The following ABLIM1 variants were observed in gnomAD, a reference collection of about 807,000 sequenced individuals.
The protein encoded by ABLIM1 is actin binding LIM protein 1.
In ABLIM1, 40 loss-of-function variants were observed where a neutral mutation model predicts 107.0. The ratio of observed to expected loss-of-function variants is 0.37; its 90% CI spans 0.29 to 0.49. The LOEUF is 0.49. Ranked by LOEUF, ABLIM1 falls within the 20% of genes least tolerant of loss-of-function variation. ABLIM1 has a pLI of 0.97. For missense variants in ABLIM1, 857 were observed against 1,008.5 expected, an observed-to-expected ratio of 0.85 and a Z score of 2.04; for synonymous variants, 357 against 357.3, an observed-to-expected ratio of 1.00 and a Z score of 0.01.
rs1346165148 is a variant in ABLIM1 at position 114,707,507 on chromosome 10, C to T, written c.-213+60554G>A. ...TTGGCCTCCCAAAGTGCTGGGATTACAGGCGTAAGCCACCACACCTGGCCC... is the reference window on the plus strand; with the variant it reads ...TTGGCCTCCCAAAGTGCTGGGATTATAGGCGTAAGCCACCACACCTGGCCC... On this transcript the variant is annotated intron_variant, in intron 1 of 15. Transcript: ENST00000651092. The surrounding 1 kb of genome is among the most constrained non-coding windows in gnomAD (Gnocchi z 4.1). Among the ~76,000 whole-genome samples, 2 of 152,140 alleles carry T rather than the reference C, an allele frequency of 1.3e-5. No homozygotes were observed. The highest frequency in any genetic ancestry group is 2.4e-5 in the African/African-American group (1 of 41,438).
chr10:114,548,661 G>A (rs1284489300), intron 4 of ABLIM1, among the ~76,000 whole-genome samples: 3 of 152,210 alleles, frequency 2.0e-5, no homozygotes, highest in African/African-American at 7.2e-5. Flanking sequence ...CATTCTGTTA[G>A]GGAAGTTGGG....
chr10:114,570,596 GTTTTTTTTTTT>G (rs57963013), intron 4 of ABLIM1, among the ~76,000 whole-genome samples: 4 of 68,016 alleles, frequency 5.9e-5, no homozygotes, highest in African/African-American at 1.2e-4. Flanking sequence ...ATTTTTCTGG[GTTTTTTTTTTT>G]TTTTTTTTTT....
intron 6 of ABLIM1, among the ~76,000 whole-genome samples, chr10:114,517,332 T>G (rs7912515): frequency 0.021 from 3,199 of 151,966 alleles, 105 homozygotes; most frequent in African/African-American, 0.074. Flanking sequence ...TGGACCCACA[T>G]GAAGATGAAG....
At chr10:114,514,223 A>G (rs1008034092) in intron 6 of ABLIM1, among the ~76,000 whole-genome samples, 4 of 151,740 alleles carry the variant, frequency 2.6e-5, no homozygotes, top group Admixed American at 2.6e-4. Context: ...GGAGGGGGAA[A>G]GGGGAGCCGG....
rs1236809853 is a variant in ABLIM1, at chr10:114,432,928, T to C, written c.*3332A>G. On this transcript the variant is annotated 3_prime_UTR_variant, in exon 23 of 23. Transcript: ENST00000533213. The stretch of plus-strand genomic sequence containing the variant: ...CCAAACCAAAATGTAGATGCATAGC[T>C]AGCTGTGCAAGTTTCCCAATGCTCT... 2.0e-5 allele frequency: 3 copies of C among 152,248 alleles called. No individual in the cohort carries two copies. Among genetic ancestry groups the C allele is most frequent in the Admixed American group, 6.5e-5 (1 of 15,292 alleles). The allele number at this position is 152,248 out of a possible 1,614,324, so 9.4% of individuals were successfully genotyped here. A position where few individuals can be genotyped will look rare whatever the true frequency, so the allele number is the denominator to read the frequency against.
In ABLIM1 at chr10:114,690,221, C is replaced by G. The variant is rs942700248; in HGVS notation, c.-213+77840G>C. On this transcript the variant is annotated intron_variant, in intron 1 of 15. Coordinates refer to the ABLIM1 transcript ENST00000651092. Reference sequence around the variant, plus strand: ...TCCTGGACCCAAAGCGCCCCGTGGCCTCCACAATATTTATGCCTTCTTTCA... The same window carrying G: ...TCCTGGACCCAAAGCGCCCCGTGGCGTCCACAATATTTATGCCTTCTTTCA... 7.6e-6 allele frequency: 11 copies of G among 1,455,952 alleles called. No homozygotes were observed. In the South Asian group the frequency reaches 1.1e-4, roughly 15 times the overall value. The allele number at this position is 1,455,952 out of a possible 1,614,324, so 90.2% of individuals were successfully genotyped here. A position where few individuals can be genotyped will look rare whatever the true frequency, so the allele number is the denominator to read the frequency against.
intron 1 of ABLIM1, among the ~76,000 whole-genome samples, chr10:114,633,254 C>A (rs1341008519): frequency 6.6e-6 from 1 of 152,186 alleles, no homozygotes; most frequent in Non-Finnish European, 1.5e-5. Flanking sequence ...ATCAACCTGC[C>A]TCCTCTTTGA....
At chr10:114,702,454 GT>G (rs971333583) in intron 1 of ABLIM1, among the ~76,000 whole-genome samples, 2 of 148,594 alleles carry the variant, frequency 1.3e-5, no homozygotes, top group African/African-American at 5.0e-5. Context: ...TAACATCAGT[GT>G]TTTTTTGTTT....
intron 6 of ABLIM1, among the ~76,000 whole-genome samples, chr10:114,535,639 G>A (rs1835465352): frequency 6.6e-6 from 1 of 152,150 alleles, no homozygotes; most frequent in African/African-American, 2.4e-5. Flanking sequence ...GCATTAAGAT[G>A]TTTATTGACT....
intron 2 of ABLIM1, among the ~76,000 whole-genome samples, chr10:114,581,745 G>T (rs1320847540): frequency 6.6e-6 from 1 of 152,028 alleles, no homozygotes; most frequent in East Asian, 1.9e-4. Context: ...AGGGAAGAAG[G>T]AGCCCTTCTG....
chr10:114,513,508 T>C lies in ABLIM1; in HGVS notation c.895-21630A>G, dbSNP rs146499207. On this transcript the variant is annotated intron_variant, in intron 6 of 22. Transcript: ENST00000533213. ...TAACAATTTCACACTCAATTTATCC[T>C]GAGCAGGTTAATACCACACTGTGGC... 2.6e-5 allele frequency among the ~76,000 whole-genome samples: 4 copies of C among 152,326 alleles called. No individual in the cohort carries two copies. The East Asian group carries it at 5.8e-4, about 22-fold the overall frequency.
intron 6 of ABLIM1, among the ~76,000 whole-genome samples, chr10:114,536,223 CTTTGTT>C (rs2065985876): frequency 3.7e-5 from 3 of 80,424 alleles, no homozygotes; most frequent in African/African-American, 1.5e-4. Flanking sequence ...TTCCTTCTTT[CTTTGTT>C]TTTTTTTTTT....
chr10:114,544,487 C>T (rs943175909), intron 6 of ABLIM1, among the ~76,000 whole-genome samples: 3 of 152,194 alleles, frequency 2.0e-5, no homozygotes, highest in South Asian at 4.1e-4. Context: ...TGACAGGCTT[C>T]AGCTCAGCCC....
chr10:114,557,963 A>C (rs2069018295), intron 4 of ABLIM1, among the ~76,000 whole-genome samples: 1 of 151,870 alleles, frequency 6.6e-6, no homozygotes, highest in Non-Finnish European at 1.5e-5. Context: ...TTCATTATAC[A>C]TTGTTACATT....
chr10:114,563,373 C>T (rs568595025), intron 4 of ABLIM1, among the ~76,000 whole-genome samples: 2 of 152,032 alleles, frequency 1.3e-5, no homozygotes, highest in Non-Finnish European at 1.5e-5. Context: ...AAGTGCTAGG[C>T]CTTGTATAAG....
chr10:114,568,018 G>A (rs969541291), intron 4 of ABLIM1, among the ~76,000 whole-genome samples: 8 of 151,028 alleles, frequency 5.3e-5, no homozygotes, highest in East Asian at 1.9e-4. Flanking sequence ...GTGAAACCCC[G>A]TCTCTACTAA....
chr10:114,508,298 G>GGTTA (rs1186783985), intron 6 of ABLIM1, among the ~76,000 whole-genome samples: 7 of 152,128 alleles, frequency 4.6e-5, no homozygotes, highest in African/African-American at 1.7e-4. Flanking sequence ...CCTTGGGCTG[G>GGTTA]GTTAATATCT....
At chr10:114,796,818 C>G in the ABLIM1 span, among the ~76,000 whole-genome samples, 1 of 152,156 alleles carries the variant, frequency 6.6e-6, no homozygotes, top group East Asian at 1.9e-4. Context: ...CAACCTCCAC[C>G]CCACCTTGTT....
At chr10:114,547,157 TTA>T (rs199880316) in intron 5 of ABLIM1, among the ~76,000 whole-genome samples, 497 of 12,438 alleles carry the variant, frequency 0.04, no homozygotes, top group Middle Eastern at 0.091. Flanking sequence ...CAGGCTACAT[TTA>T]AAAAAAAAAA....
Sources: allele counts gnomAD v4.1 joint callset (sites outside exome capture counted in the v4.1 genomes callset), GRCh38; gene constraint gnomAD v4.1.1; non-coding constraint Gnocchi (gnomAD v3.1); transcripts MANE v1.5; gene names NCBI Gene and HGNC (gene_info 2026-07-23, HGNC 2026-07-21).